Variants in FSHR observed in about 807,000 individuals in gnomAD.
The protein encoded by FSHR is follicle stimulating hormone receptor, also known as follicle-stimulating hormone receptor.
A neutral mutation model predicts 52.1 loss-of-function variants in FSHR; 46 were observed. The observed-to-expected ratio is 0.88, with a 90% CI of 0.70 to 1.13. The LOEUF (loss-of-function observed/expected upper bound fraction) is 1.13. FSHR is among the 50% of genes most tolerant of loss of function. The pLI is 0.00. For missense variants in FSHR, 964 were observed against 834.6 expected (o/e 1.16, Z -1.91); for synonymous variants, 399 against 309.6 (o/e 1.29, Z -3.03).
At chr2:49,100,015 CTAA>C (rs1670968703) in intron 1 of FSHR, among the ~76,000 whole-genome samples, 1 of 152,038 alleles carries the variant, frequency 6.6e-6, no homozygotes, top group Non-Finnish European at 1.5e-5. Flanking sequence ...TTTGTGAGCA[CTAA>C]TAATAATAAT....
chr2:49,143,386 T>C (rs1672757596), intron 1 of FSHR, among the ~76,000 whole-genome samples: 1 of 152,198 alleles, frequency 6.6e-6, no homozygotes, highest in African/African-American at 2.4e-5. Flanking sequence ...ACATTCCTCT[T>C]ATATTCAGAG....
chr2:49,133,270 C>A (rs1572790057), intron 1 of FSHR, among the ~76,000 whole-genome samples: 1 of 152,208 alleles, frequency 6.6e-6, no homozygotes. Flanking sequence ...AAGCAAGGCT[C>A]TACCTTGACC....
At chr2:49,091,340 G>T (rs1275336722) in intron 1 of FSHR, among the ~76,000 whole-genome samples, 2 of 152,064 alleles carry the variant, frequency 1.3e-5, no homozygotes, top group Non-Finnish European at 2.9e-5. Context: ...GTCTTGTTCT[G>T]TCACTCAGGC....
chr2:49,110,743 T>G (rs185120161), intron 1 of FSHR, among the ~76,000 whole-genome samples: 32 of 152,240 alleles, frequency 2.1e-4, no homozygotes, highest in Non-Finnish European at 3.5e-4. Context: ...TGGTGTGGAG[T>G]TGCTGCTGGG....
intron 1 of FSHR, among the ~76,000 whole-genome samples, chr2:49,137,471 T>C (rs1224510177): frequency 1.3e-5 from 2 of 152,106 alleles, no homozygotes; most frequent in African/African-American, 2.4e-5. Context: ...CTGATTTCTT[T>C]GAAGAAATTG....
chr2:48,976,892 G>C (rs913154626), intron 8 of FSHR, among the ~76,000 whole-genome samples: 17 of 151,832 alleles, frequency 1.1e-4, no homozygotes, highest in African/African-American at 4.1e-4. Context: ...CATTAGTCTG[G>C]CTAGCAGTCT....
At chr2:49,055,531 C>CAA (rs75665223) in intron 2 of FSHR, among the ~76,000 whole-genome samples, 915 of 51,052 alleles carry the variant, frequency 0.018, 14 homozygotes, top group Non-Finnish European at 0.022. Context: ...CCAGGAAGCT[C>CAA]AAAAAAAAAA....
chr2:49,067,035 C>T (rs1472665964), intron 2 of FSHR, among the ~76,000 whole-genome samples: 2 of 152,010 alleles, frequency 1.3e-5, no homozygotes, highest in East Asian at 1.9e-4. Flanking sequence ...GAGGTAAACC[C>T]GGAAGATTAC....
At chr2:49,034,093 A>G (rs897728460) in intron 2 of FSHR, among the ~76,000 whole-genome samples, 1 of 152,228 alleles carries the variant, frequency 6.6e-6, no homozygotes, top group Non-Finnish European at 1.5e-5. Flanking sequence ...ATTTGTGTTG[A>G]GGAAACAAGA....
intron 8 of FSHR, among the ~76,000 whole-genome samples, chr2:48,975,683 C>T (rs1057081966): frequency 1.7e-4 from 26 of 152,136 alleles, no homozygotes; most frequent in African/African-American, 5.8e-4. Context: ...TCACAGTTCT[C>T]CTTGAAGAGG....
chr2:49,005,961 G>C (rs1162861561), intron 4 of FSHR, among the ~76,000 whole-genome samples: 1 of 152,112 alleles, frequency 6.6e-6, no homozygotes, highest in Non-Finnish European at 1.5e-5. Flanking sequence ...TGCCAGCATG[G>C]CCAGACTATA....
rs551023126 is a variant in FSHR at position 49,078,996 on chromosome 2, A to G, written c.153-10706T>C. Among the ~76,000 whole-genome samples the G allele has an allele frequency of 1.6e-4, 24 of 152,316 alleles. No homozygotes were observed. The South Asian group carries it at 4.8e-3, about 30-fold the overall frequency. ...ACAGAAAACATCATTGTTTACACAC[A>G]CACACAAAGCCTACTCTGTAACCAG... On this transcript the variant is annotated intron_variant, in intron 1 of 9. Coordinates refer to ENST00000406846, the MANE Select transcript of FSHR (RefSeq NM_000145.4).
chr2:49,021,863 C>CTCTCTCTATATATATATATA (rs1467766420), intron 2 of FSHR, among the ~76,000 whole-genome samples: 4 of 49,856 alleles, frequency 8.0e-5, no homozygotes, highest in Admixed American at 4.6e-4. Flanking sequence ...CTCTCTCTCT[C>CTCTCTCTATATATATATATA]TATATATATA....
At chr2:49,005,196 C>G (rs746631833) in intron 4 of FSHR, among the ~76,000 whole-genome samples, 4 of 152,072 alleles carry the variant, frequency 2.6e-5, no homozygotes, top group African/African-American at 4.8e-5. Context: ...TAGGGGAGAA[C>G]AGGGAGGAAA....
chr2:49,122,679 C>A (rs1671859851), intron 1 of FSHR, among the ~76,000 whole-genome samples: 1 of 152,150 alleles, frequency 6.6e-6, no homozygotes, highest in Non-Finnish European at 1.5e-5. Context: ...TTTCCAACTC[C>A]TACTCCAGGG....
At chr2:49,072,984 G>A (rs1184481110) in intron 1 of FSHR, among the ~76,000 whole-genome samples, 2 of 151,940 alleles carry the variant, frequency 1.3e-5, no homozygotes, top group Non-Finnish European at 2.9e-5. Flanking sequence ...AATTCAAAAG[G>A]TATGTGCACA....
chr2:49,014,755 G>A (rs1667420115), intron 4 of FSHR: 1 of 288,720 alleles, frequency 3.5e-6, no homozygotes, highest in African/African-American at 2.3e-5. Context: ...GGATATCTAT[G>A]TGAAGAGCTG....
intron 2 of FSHR, among the ~76,000 whole-genome samples, chr2:49,066,885 T>G (rs1194873586): frequency 1.3e-5 from 2 of 152,124 alleles, no homozygotes; most frequent in Non-Finnish European, 2.9e-5. Context: ...TAGTCTATGT[T>G]AGCTCCAGGC....
At position 48,990,519 on chromosome 2, in the gene FSHR, A is replaced by G. The variant is rs776251039; in HGVS notation, c.446+47T>C. 1.1e-5 allele frequency: 13 copies of G among 1,225,244 alleles called. No homozygotes were observed. The East Asian group carries it at 3.0e-4, about 28-fold the overall frequency. 75.9% of individuals were successfully genotyped at this position (1,225,244 alleles called of 1,614,324 possible). ...AAGGCCCAGATAGCCGTTGGGCAAGACAGATACTGAGTAAAGAGTTGGTAG... is the reference window on the plus strand; with the variant it reads ...AAGGCCCAGATAGCCGTTGGGCAAGGCAGATACTGAGTAAAGAGTTGGTAG... On this transcript the variant is annotated intron_variant, in intron 5 of 9. Transcript: ENST00000406846.
Sources: gnomAD v4.1 joint callset for allele counts (sites outside exome capture counted in the v4.1 genomes callset) on GRCh38, gnomAD v4.1.1 for gene constraint, MANE v1.5 for transcripts, NCBI Gene and HGNC (gene_info 2026-07-23, HGNC 2026-07-21) for gene names.